The following SESTD1 variants were observed in gnomAD, a reference collection of about 807,000 sequenced individuals.
SESTD1 encodes SEC14 and spectrin domain containing 1.
A neutral mutation model predicts 101.7 loss-of-function variants in SESTD1; 43 were observed. The observed-to-expected ratio is 0.42, with a 90% CI of 0.33 to 0.55. The LOEUF (loss-of-function observed/expected upper bound fraction) is 0.55. Ranked by LOEUF, SESTD1 falls within the 20% of genes least tolerant of loss-of-function variation. SESTD1 has a pLI of 0.07. For synonymous variants in SESTD1, 283 were observed against 286.8 expected (o/e 0.99, Z 0.13); for missense variants, 647 against 815.1 (o/e 0.79, Z 2.51).
intron 7 of SESTD1, among the ~76,000 whole-genome samples, chr2:179,147,365 G>GTTT (rs113504437): frequency 2.8e-5 from 4 of 141,178 alleles, no homozygotes; most frequent in African/African-American, 7.7e-5. Context: ...TTGTTTTTTT[G>GTTT]TTTTTTTTTT....
rs1252106853 is a variant in SESTD1 at position 179,105,676 on chromosome 2, TTC to T, written c.*4221_*4222del. 1 of 152,194 alleles carries T rather than the reference TTC, an allele frequency of 6.6e-6. No homozygotes were observed. Among genetic ancestry groups the T allele is most frequent in the Admixed American group, 6.6e-5 (1 of 15,264 alleles). 9.4% of individuals were successfully genotyped at this position (152,194 alleles called of 1,614,324 possible). On this transcript the variant is annotated 3_prime_UTR_variant, in exon 18 of 18. Coordinates refer to ENST00000428443, the MANE Select transcript of SESTD1 (RefSeq NM_178123.5). ...ATAATTATAGCAATGATACCTTCCA[TTC>T]TGTTTATTTCTGGATATTTTGGCTT...
chr2:179,234,290 A>G (rs536060748), intron 1 of SESTD1, among the ~76,000 whole-genome samples: 1 of 152,264 alleles, frequency 6.6e-6, no homozygotes, highest in East Asian at 1.9e-4. Flanking sequence ...ACCAGCCTCC[A>G]TGATCATGTA....
intron 9 of SESTD1, among the ~76,000 whole-genome samples, chr2:179,141,865 T>G (rs978624350): frequency 2.0e-5 from 3 of 151,868 alleles, no homozygotes; most frequent in Non-Finnish European, 4.4e-5. Flanking sequence ...ACCCTTTAAC[T>G]TATGAATGAA....
chr2:179,199,137 C>G (rs901765161), intron 1 of SESTD1, among the ~76,000 whole-genome samples: 3 of 151,990 alleles, frequency 2.0e-5, no homozygotes, highest in African/African-American at 4.8e-5. Context: ...CCACCGATCC[C>G]ACAGAAATAC....
chr2:179,261,017 A>G (rs558965344), intron 1 of SESTD1, among the ~76,000 whole-genome samples: 3 of 152,300 alleles, frequency 2.0e-5, no homozygotes, highest in African/African-American at 7.2e-5. Context: ...GGAGATTTTC[A>G]GCTTTTACTC....
chr2:179,225,525 T>C (rs1459832559), intron 1 of SESTD1, among the ~76,000 whole-genome samples: 1 of 152,202 alleles, frequency 6.6e-6, no homozygotes, highest in African/African-American at 2.4e-5. Flanking sequence ...CTGTTCATGC[T>C]ACTGTAACAA....
At chr2:179,229,557 A>G (rs575014577) in intron 1 of SESTD1, among the ~76,000 whole-genome samples, 1 of 151,970 alleles carries the variant, frequency 6.6e-6, no homozygotes, top group Non-Finnish European at 1.5e-5. Context: ...TTTTAGATAT[A>G]TATCTATGTA....
rs968264952 is a variant in SESTD1, at chr2:179,230,383, A to G, written c.-26+34116T>C. Among the ~76,000 whole-genome samples, 4 of 151,736 alleles carry G rather than the reference A, an allele frequency of 2.6e-5. No individual in the cohort carries two copies. The South Asian group carries it at 8.3e-4, about 32-fold the overall frequency. Reference sequence around the variant, plus strand: ...ACCCCTGGGCTCAAGCCATCTGCCCACCTCAGCCTCCCAAAGTTCTGGCAT... The same window carrying G: ...ACCCCTGGGCTCAAGCCATCTGCCCGCCTCAGCCTCCCAAAGTTCTGGCAT... On this transcript the variant is annotated intron_variant, in intron 1 of 17. Transcript: ENST00000428443.
rs1189526677 is a variant in SESTD1, at chr2:179,117,688, C to T, written c.1443-75G>A. ...ACTATTGTAACATCATCATTTGGTA[C>T]ATGTATTTTATAGTACACTAAAATA... On this transcript the variant is annotated intron_variant, in intron 13 of 17. Transcript: ENST00000428443. The T allele has an allele frequency of 1.2e-5, 15 of 1,219,574 alleles. No homozygotes were observed. In the East Asian group the frequency reaches 3.8e-4, roughly 31 times the overall value. The allele number at this position is 1,219,574 out of a possible 1,614,324, so 75.5% of individuals were successfully genotyped here.
At chr2:179,197,140 G>A (rs2046411928) in intron 1 of SESTD1, among the ~76,000 whole-genome samples, 1 of 152,094 alleles carries the variant, frequency 6.6e-6, no homozygotes, top group African/African-American at 2.4e-5. Flanking sequence ...GAAAACCAAG[G>A]CTCGAGAACT....
chr2:179,115,300 TAAGAG>T lies in SESTD1; in HGVS notation c.1648-49_1648-45del, dbSNP rs748316389. Reference sequence around the variant, plus strand: ...CATAAAATTGTAATAAAAGAATTCTTAAGAGAAGGATGGGGAAAGTGTGCAGGAAG... The same window carrying T: ...CATAAAATTGTAATAAAAGAATTCTTAAGGATGGGGAAAGTGTGCAGGAAG... On this transcript the variant is annotated intron_variant, in intron 15 of 17. Coordinates refer to ENST00000428443, the MANE Select transcript of SESTD1 (RefSeq NM_178123.5). 148 of 1,427,766 alleles carry T rather than the reference TAAGAG, an allele frequency of 1.0e-4. 1 individual carries two copies. The South Asian group carries it at 1.1e-3, about 11-fold the overall frequency. The allele number at this position is 1,427,766 out of a possible 1,614,324, so 88.4% of individuals were successfully genotyped here. A position where few individuals can be genotyped will look rare whatever the true frequency, so the allele number is the denominator to read the frequency against.
chr2:179,190,131 C>T (rs541386342), intron 2 of SESTD1, among the ~76,000 whole-genome samples: 1 of 152,246 alleles, frequency 6.6e-6, no homozygotes, highest in Admixed American at 6.5e-5. Context: ...AGAGATACTA[C>T]ATTACCTGTC....
In SESTD1 at chr2:179,151,269, T is replaced by A; in HGVS notation, c.483+9A>T. 1.3e-6 allele frequency: 2 copies of A among 1,546,890 alleles called. No homozygotes were observed. The highest frequency in any genetic ancestry group is 2.5e-5 in the South Asian group (2 of 80,408). On this transcript the variant is annotated intron_variant, in intron 6 of 17. Coordinates refer to ENST00000428443, the MANE Select transcript of SESTD1 (RefSeq NM_178123.5). ...GCAATAACATTTTATCTCATTGTAA[T>A]ATACCAACCAGCCTCTTATTTAACC...
At chr2:179,227,545 G>A (rs2046906615) in intron 1 of SESTD1, among the ~76,000 whole-genome samples, 1 of 152,092 alleles carries the variant, frequency 6.6e-6, no homozygotes, top group South Asian at 2.1e-4. Context: ...ACAGCTATTT[G>A]AACAAATAGT....
rs945677533 is a variant in SESTD1, at chr2:179,208,087, A to G, written c.-25-16221T>C. 3.0e-5 allele frequency among the ~76,000 whole-genome samples: 4 copies of G among 135,116 alleles called. 1 individual carries two copies. The highest frequency in any genetic ancestry group is 2.2e-4 in the Admixed American group (3 of 13,834). 88.6% of individuals were successfully genotyped at this position (135,116 alleles called of 152,430 possible). A position where few individuals can be genotyped will look rare whatever the true frequency, so the allele number is the denominator to read the frequency against. ...CTTAGAGAAATGCAAAATACACTGGAAAGTTCCAACAATAGAATTGAACAA... is the reference window on the plus strand; with the variant it reads ...CTTAGAGAAATGCAAAATACACTGGGAAGTTCCAACAATAGAATTGAACAA... On this transcript the variant is annotated intron_variant, in intron 1 of 17. Coordinates refer to ENST00000428443, the MANE Select transcript of SESTD1 (RefSeq NM_178123.5).
At chr2:179,217,750 A>C (rs368636545) in intron 1 of SESTD1, among the ~76,000 whole-genome samples, 1 of 152,314 alleles carries the variant, frequency 6.6e-6, no homozygotes, top group Admixed American at 6.5e-5. Flanking sequence ...TCAATGATAG[A>C]CTGGATTAAG....
At chr2:179,226,329 G>A (rs776012372) in intron 1 of SESTD1, among the ~76,000 whole-genome samples, 11 of 152,122 alleles carry the variant, frequency 7.2e-5, no homozygotes, top group Non-Finnish European at 1.2e-4. Context: ...TGCAACAGCC[G>A]TAAGATAAAA....
chr2:179,193,559 G>A (rs2046348686), intron 1 of SESTD1, among the ~76,000 whole-genome samples: 1 of 152,044 alleles, frequency 6.6e-6, no homozygotes, highest in African/African-American at 2.4e-5. Flanking sequence ...TTGATAAAGG[G>A]GTGATAATAA....
In SESTD1 at chr2:179,230,113, C is replaced by CTTTTTT. The variant is rs71023474; in HGVS notation, c.-26+34380_-26+34385dup. ...AAATATTCCAAACTGGATTGTATCT[C>CTTTTTT]TTTTTTTTTTTTTTTTTTTTTTTTT... On this transcript the variant is annotated intron_variant, in intron 1 of 17. Transcript: ENST00000428443. 5.4e-3 allele frequency among the ~76,000 whole-genome samples: 305 copies of CTTTTTT among 56,420 alleles called. 107 individuals are homozygous for CTTTTTT. The highest frequency in any genetic ancestry group is 0.013 in the East Asian group (15 of 1,138). 37.0% of individuals were successfully genotyped at this position (56,420 alleles called of 152,430 possible).
Sources: gnomAD v4.1 joint callset for allele counts (sites outside exome capture counted in the v4.1 genomes callset) on GRCh38, gnomAD v4.1.1 for gene constraint, MANE v1.5 for transcripts, NCBI Gene and HGNC (gene_info 2026-07-23, HGNC 2026-07-21) for gene names.